The following MREG variants were observed in gnomAD, a reference collection of about 807,000 sequenced individuals.
MREG encodes the protein melanoregulin, also known as dilute suppressor protein homolog.
A neutral mutation model predicts 28.5 loss-of-function variants in MREG; 31 were observed. The observed-to-expected ratio is 1.09, with a 90% CI of 0.82 to 1.47. The LOEUF is 1.47. MREG is among the 40% of genes most tolerant of loss of function. The pLI is 0.00. For synonymous variants in MREG, 106 were observed against 95.2 expected, an observed-to-expected ratio of 1.11 and a Z score of -0.66; for missense variants, 256 against 257.4, an observed-to-expected ratio of 0.99 and a Z score of 0.04.
chr2:215,952,011 A>G (rs1232134909), intron 2 of MREG, among the ~76,000 whole-genome samples: 2 of 152,210 alleles, frequency 1.3e-5, no homozygotes, highest in Non-Finnish European at 2.9e-5. Flanking sequence ...AAGTGAGATC[A>G]TGCAGTAATT....
In MREG at chr2:215,998,320, A is replaced by AAAAAT. The variant is rs1553554015; in HGVS notation, c.96-1856_96-1855insATTTT. Among the ~76,000 whole-genome samples, 543 of 138,846 alleles carry AAAAAT rather than the reference A, an allele frequency of 3.9e-3. 3 individuals are homozygous for AAAAAT. The highest frequency in any genetic ancestry group is 0.014 in the African/African-American group (524 of 36,938). 91.1% of individuals were successfully genotyped at this position (138,846 alleles called of 152,430 possible). A position where few individuals can be genotyped will look rare whatever the true frequency, so the allele number is the denominator to read the frequency against. On this transcript the variant is annotated intron_variant, in intron 1 of 4. Transcript: ENST00000263268. ...AACTCCATCTCACAAAAAAAAAAAAAAATAATAATAATAATAATAATAATA... is the reference window on the plus strand; with the variant it reads ...AACTCCATCTCACAAAAAAAAAAAAAAAAATAATAATAATAATAATAATAATAATA...
chr2:215,946,888 G>A (rs1229015357), intron 3 of MREG, 135 bp downstream of exon 3: 1 of 618,502 alleles, frequency 1.6e-6, no homozygotes, highest in Non-Finnish European at 2.9e-6. Context: ...AGCAAGATTG[G>A]GAGAATAATT....
intron 1 of MREG, among the ~76,000 whole-genome samples, chr2:216,021,423 T>C (rs975513114): frequency 9.2e-5 from 14 of 152,296 alleles, no homozygotes; most frequent in South Asian, 2.1e-4. Context: ...AAGCCTTTTA[T>C]AGGGACTAGG....
At chr2:215,986,824 C>G (rs555383127) in intron 2 of MREG, among the ~76,000 whole-genome samples, 2 of 152,226 alleles carry the variant, frequency 1.3e-5, no homozygotes, top group South Asian at 4.1e-4. Context: ...AATTAAACCT[C>G]TTTGCTTTAT....
chr2:215,968,576 C>T (rs1201630576), intron 2 of MREG, among the ~76,000 whole-genome samples: 1 of 152,102 alleles, frequency 6.6e-6, no homozygotes, highest in African/African-American at 2.4e-5. Flanking sequence ...CCTCCTCTAC[C>T]TCTCAGCCCT....
chr2:216,030,630 G>GC (rs1559203451), intron 1 of MREG, among the ~76,000 whole-genome samples: 1 of 151,470 alleles, frequency 6.6e-6, no homozygotes, highest in Non-Finnish European at 1.5e-5. Context: ...TGCAACCTCC[G>GC]CCCCCAGGTT....
rs1395424033 is a variant in MREG at position 215,987,754 on chromosome 2, T to A, written c.255+8552A>T. On this transcript the variant is annotated intron_variant, in intron 2 of 4. Coordinates refer to ENST00000263268, the MANE Select transcript of MREG (RefSeq NM_018000.3). Reference sequence around the variant, plus strand: ...AATTTACCAGGTAGTTAATTAAAAATTAGCCGGGTGTGGTGGCGCATGCCT... The same window carrying A: ...AATTTACCAGGTAGTTAATTAAAAAATAGCCGGGTGTGGTGGCGCATGCCT... Among the ~76,000 whole-genome samples the A allele has an allele frequency of 5.3e-5, 8 of 151,912 alleles. No individual in the cohort carries two copies. The East Asian group carries it at 1.6e-3, about 29-fold the overall frequency.
chr2:216,016,283 A>G (rs1313154525), upstream of MREG, among the ~76,000 whole-genome samples: 1 of 152,214 alleles, frequency 6.6e-6, no homozygotes. Flanking sequence ...ACTGGCTGGA[A>G]AATCCCCTGG....
At chr2:216,014,136 G>A (rs1382905194), upstream of MREG, among the ~76,000 whole-genome samples, 1 of 151,966 alleles carries the variant, frequency 6.6e-6, no homozygotes, top group African/African-American at 2.4e-5. Context: ...TCTGCACCTG[G>A]CTTTTTTGAC....
intron 2 of MREG, among the ~76,000 whole-genome samples, chr2:215,957,533 G>A (rs1414066138): frequency 1.3e-5 from 2 of 152,146 alleles, no homozygotes; most frequent in African/African-American, 2.4e-5. Flanking sequence ...GAGGCGGGCA[G>A]GAGCCACAGA....
chr2:216,010,354 C>CTCTTTT (rs1404098443), intron 1 of MREG, among the ~76,000 whole-genome samples: 18 of 94,364 alleles, frequency 1.9e-4, no homozygotes, highest in Non-Finnish European at 2.9e-4. Context: ...AAAGATTTCT[C>CTCTTTT]TTTTTTTTTT....
chr2:215,947,142 T>C, intron 2 of MREG, 29 bp from the exon 3 acceptor site: 1 of 1,476,778 alleles, frequency 6.8e-7, no homozygotes, highest in Non-Finnish European at 9.4e-7. Context: ...TTAGTTTTAT[T>C]TATACCCCTT....
chr2:215,976,516 A>G (rs762662541), intron 2 of MREG, among the ~76,000 whole-genome samples: 2 of 152,222 alleles, frequency 1.3e-5, no homozygotes, highest in Non-Finnish European at 2.9e-5. Flanking sequence ...TGGCCAAATG[A>G]CATGAATAAC....
chr2:215,952,392 C>A (rs572052379), intron 2 of MREG, among the ~76,000 whole-genome samples: 1 of 152,070 alleles, frequency 6.6e-6, no homozygotes, highest in East Asian at 1.9e-4. Flanking sequence ...AATTTGACTG[C>A]GGCAATCACC....
chr2:215,982,015 G>A (rs1693439409), intron 2 of MREG, among the ~76,000 whole-genome samples: 2 of 152,124 alleles, frequency 1.3e-5, no homozygotes, highest in African/African-American at 4.8e-5. Flanking sequence ...GCACTGAGGT[G>A]CTACCTACTT....
At chr2:215,941,916 T>C (rs1420180641), downstream of MREG, among the ~76,000 whole-genome samples, 1 of 152,192 alleles carries the variant, frequency 6.6e-6, no homozygotes, top group African/African-American at 2.4e-5. Context: ...TGTTCTTCCA[T>C]GTCCATTGCT....
intron 1 of MREG, among the ~76,000 whole-genome samples, chr2:215,997,656 G>T (rs1693906222): frequency 6.6e-6 from 1 of 152,176 alleles, no homozygotes; most frequent in Admixed American, 6.5e-5. Flanking sequence ...GTGCCATTAA[G>T]TGGGAGCTCA....
At chr2:216,002,222 G>C (rs1379756821) in intron 1 of MREG, among the ~76,000 whole-genome samples, 1 of 152,178 alleles carries the variant, frequency 6.6e-6, no homozygotes, top group Non-Finnish European at 1.5e-5. Context: ...ATCCCACCCA[G>C]GGGCTCAAGA....
rs1156598980 is a variant in MREG at position 216,013,379 on chromosome 2, G to A, written c.-52C>T. 4.3e-6 allele frequency: 6 copies of A among 1,396,530 alleles called. No homozygotes were observed. Among genetic ancestry groups the A allele is most frequent in the East Asian group, 2.9e-5 (1 of 33,948 alleles). The allele number at this position is 1,396,530 out of a possible 1,614,324, so 86.5% of individuals were successfully genotyped here. A position where few individuals can be genotyped will look rare whatever the true frequency, so the allele number is the denominator to read the frequency against. On this transcript the variant is annotated 5_prime_UTR_variant, in exon 1 of 5. Transcript: ENST00000263268. ...GGAAGCCTGGGGCCGAGTCGCCGCG[G>A]CGAGCGATCGAGGCTGGGGCGCGGC...
Sources: allele counts gnomAD v4.1 joint callset (sites outside exome capture counted in the v4.1 genomes callset), GRCh38; gene constraint gnomAD v4.1.1; transcripts MANE v1.5; gene names NCBI Gene and HGNC (gene_info 2026-07-23, HGNC 2026-07-21).